Variants in AFG3L2 observed in about 807,000 individuals in gnomAD.
AFG3L2 encodes the protein mitochondrial inner membrane m-AAA protease component AFG3L2.
In AFG3L2, 54 loss-of-function variants were observed where a neutral mutation model predicts 94.5. That is an observed-to-expected ratio of 0.57 (90% CI 0.46 to 0.72). AFG3L2 has a LOEUF of 0.72. Ranked by LOEUF, AFG3L2 falls within the 30% of genes least tolerant of loss-of-function variation. The pLI, the probability that AFG3L2 is intolerant of heterozygous loss-of-function variation, is 0.00. For missense variants in AFG3L2, 754 were observed against 994.9 expected, an observed-to-expected ratio of 0.76 and a Z score of 3.26; for synonymous variants, 377 against 365.5, an observed-to-expected ratio of 1.03 and a Z score of -0.36.
At chr18:12,349,470 T>A (rs988511269) in intron 12 of AFG3L2, among the ~76,000 whole-genome samples, 4 of 152,170 alleles carry the variant, frequency 2.6e-5, no homozygotes, top group Non-Finnish European at 4.4e-5. Flanking sequence ...GCATTATTCA[T>A]AATAGCCAAA....
In AFG3L2 at chr18:12,353,174, AAG is replaced by A. The variant is rs760212778; in HGVS notation, c.1165-18_1165-17del. 4 of 1,613,678 alleles carry A rather than the reference AAG, an allele frequency of 2.5e-6. No individual in the cohort carries two copies. The East Asian group carries it at 6.7e-5, about 27-fold the overall frequency. ...AGTCTCGGACCTTGGCAAAAACAGAAAGAGAGTCACCTGACCAGAGAATATTA... is the reference window on the plus strand; with the variant it reads ...AGTCTCGGACCTTGGCAAAAACAGAAAGAGTCACCTGACCAGAGAATATTA... On this transcript the variant is annotated splice_polypyrimidine_tract_variant and intron_variant, in intron 9 of 16. Coordinates refer to ENST00000269143, the MANE Select transcript of AFG3L2 (RefSeq NM_006796.3).
chr18:12,338,192 T>C (rs1338268867), intron 15 of AFG3L2, among the ~76,000 whole-genome samples: 1 of 152,024 alleles, frequency 6.6e-6, no homozygotes, highest in Non-Finnish European at 1.5e-5. Flanking sequence ...CCACTTCAGC[T>C]TCCCAAAGTG....
At chr18:12,364,123 T>C (rs1908739531) in intron 5 of AFG3L2, among the ~76,000 whole-genome samples, 1 of 152,236 alleles carries the variant, frequency 6.6e-6, no homozygotes, top group South Asian at 2.1e-4. Flanking sequence ...CCCTACACGA[T>C]ATGCACATTC....
chr18:12,372,434 T>G (rs1909020565), intron 1 of AFG3L2, among the ~76,000 whole-genome samples: 1 of 152,236 alleles, frequency 6.6e-6, no homozygotes, highest in South Asian at 2.1e-4. Context: ...TACACTGTGC[T>G]GGTGAGAATG....
intron 14 of AFG3L2, chr18:12,341,942 G>A (rs773865997): frequency 6.6e-6 from 1 of 152,146 alleles, no homozygotes; most frequent in Non-Finnish European, 1.5e-5. Context: ...CCGCCTCTTG[G>A]GTTCAAGTGA....
At chr18:12,352,958 A>C in intron 10 of AFG3L2, 47 bp downstream of exon 10, 1 of 1,609,956 alleles carries the variant, frequency 6.2e-7, no homozygotes, top group Non-Finnish European at 8.5e-7. Flanking sequence ...CATCTCAAAA[A>C]AAAAAACAAA....
At chr18:12,369,697 C>T (rs1333428398) in intron 3 of AFG3L2, among the ~76,000 whole-genome samples, 1 of 144,222 alleles carries the variant, frequency 6.9e-6, no homozygotes, top group South Asian at 2.2e-4. Context: ...GCCTGGGCGA[C>T]AGAGACCCCT....
chr18:12,329,353 G>A lies in AFG3L2; in HGVS notation c.*212C>T. On this transcript the variant is annotated 3_prime_UTR_variant, in exon 17 of 17. Transcript: ENST00000269143. Reference sequence around the variant, plus strand: ...GAGCCCAATGAGGCTATGGGACAGTGTGCATTTCCCTCAAGGCCTCCGGAA... The same window carrying A: ...GAGCCCAATGAGGCTATGGGACAGTATGCATTTCCCTCAAGGCCTCCGGAA... 2 of 672,968 alleles carry A rather than the reference G, an allele frequency of 3.0e-6. No individual in the cohort carries two copies. Among genetic ancestry groups the A allele is most frequent in the South Asian group, 1.6e-5 (1 of 61,266 alleles). The allele number at this position is 672,968 out of a possible 1,614,324, so 41.7% of individuals were successfully genotyped here.
At chr18:12,337,931 G>A (rs1276376760) in intron 15 of AFG3L2, among the ~76,000 whole-genome samples, 6 of 152,016 alleles carry the variant, frequency 3.9e-5, no homozygotes, top group East Asian at 1.9e-4. Flanking sequence ...CACCACTCCC[G>A]GCTAATTTTT....
intron 16 of AFG3L2, among the ~76,000 whole-genome samples, chr18:12,335,163 TG>T (rs1907700867): frequency 6.6e-6 from 1 of 152,208 alleles, no homozygotes; most frequent in Non-Finnish European, 1.5e-5. Flanking sequence ...AAAGTTCTGC[TG>T]GATCTCACCC....
chr18:12,354,936 C>T (rs868423725), intron 9 of AFG3L2, among the ~76,000 whole-genome samples: 1 of 152,076 alleles, frequency 6.6e-6, no homozygotes, highest in African/African-American at 2.4e-5. Context: ...AAGGTGAGGC[C>T]GGACAAGGTG....
At chr18:12,357,584 T>G (rs748333471) in intron 8 of AFG3L2, among the ~76,000 whole-genome samples, 40 of 152,214 alleles carry the variant, frequency 2.6e-4, no homozygotes, top group Non-Finnish European at 5.6e-4. Flanking sequence ...CAAAGAAAGA[T>G]GTGTTTGCTC....
At position 12,329,392 on chromosome 18, in the gene AFG3L2, C is replaced by G. The variant is rs1212762536; in HGVS notation, c.*173G>C. The G allele has an allele frequency of 2.7e-6, 2 of 729,102 alleles. No homozygotes were observed. Among genetic ancestry groups the G allele is most frequent in the Non-Finnish European group, 4.8e-6 (2 of 415,518 alleles). The allele number at this position is 729,102 out of a possible 1,614,324, so 45.2% of individuals were successfully genotyped here. Reference sequence around the variant, plus strand: ...AGGCCTCCGGAAAGTCACCTGCCACCCACTGTGACCTCTGAGGCTGAAAGG... The same window carrying G: ...AGGCCTCCGGAAAGTCACCTGCCACGCACTGTGACCTCTGAGGCTGAAAGG... On this transcript the variant is annotated 3_prime_UTR_variant, in exon 17 of 17. Transcript: ENST00000269143.
At chr18:12,339,125 G>T (rs569097493) in intron 15 of AFG3L2, among the ~76,000 whole-genome samples, 47 of 150,308 alleles carry the variant, frequency 3.1e-4, no homozygotes, top group South Asian at 1.3e-3. Flanking sequence ...GTGGTGGCGG[G>T]CACTACTTGG....
chr18:12,358,843 T>C lies in AFG3L2; in HGVS notation c.853A>G (p.Met285Val). ...PAGIGRTGRG[M>V]GGLFSVGETT... ...TCTCCGACACTGAAGAGTCCGCCCA[T>C]CCCTCGGCCTGTCCGGCCAATGCCA... is the stretch of plus-strand genomic sequence containing the variant. The change falls in exon 8 of 17, where the codon ATG becomes GTG. Residue 285 changes from methionine (M) to valine (V), a missense_variant. Around this residue, in one of 4 missense-constraint regions of AFG3L2, gnomAD observed 130 missense variants for 175.1 expected, o/e 0.74. Coordinates refer to ENST00000269143, the MANE Select transcript of AFG3L2 (RefSeq NM_006796.3). 6.2e-7 allele frequency: 1 copy of C among 1,614,218 alleles called. No individual in the cohort carries two copies.
chr18:12,359,616 A>C (rs1388270109), intron 7 of AFG3L2, among the ~76,000 whole-genome samples: 1 of 151,954 alleles, frequency 6.6e-6, no homozygotes, highest in Non-Finnish European at 1.5e-5. Context: ...GTGGAAGCCT[A>C]TAATCCCAGC....
At position 12,358,836 on chromosome 18, in the gene AFG3L2, CCG is replaced by C; in HGVS notation, c.858_859del (p.Gly287ThrfsTer15). ...AGTGGTTTCTCCGACACTGAAGAGTCCGCCCATCCCTCGGCCTGTCCGGCCAA... is the reference window on the plus strand; with the variant it reads ...AGTGGTTTCTCCGACACTGAAGAGTCCCCATCCCTCGGCCTGTCCGGCCAA... On this transcript the variant is annotated frameshift_variant, in exon 8 of 17. Coordinates refer to ENST00000269143, the MANE Select transcript of AFG3L2 (RefSeq NM_006796.3). LOFTEE classifies it high-confidence loss of function. 6.2e-7 allele frequency: 1 copy of C among 1,614,250 alleles called. No homozygotes were observed. Among genetic ancestry groups the C allele is most frequent in the Non-Finnish European group, 8.5e-7 (1 of 1,180,050 alleles).
intron 9 of AFG3L2, among the ~76,000 whole-genome samples, chr18:12,353,957 A>T (rs1220463512): frequency 2.6e-5 from 4 of 152,254 alleles, no homozygotes; most frequent in Non-Finnish European, 4.4e-5. Context: ...GCTCATCCCC[A>T]AAGAGGGGGT....
At chr18:12,339,773 T>C (rs529837707) in intron 15 of AFG3L2, among the ~76,000 whole-genome samples, 62 of 141,284 alleles carry the variant, frequency 4.4e-4, no homozygotes, top group African/African-American at 1.4e-3. Context: ...GGTGTGAACC[T>C]GGGAGGCAGA....
Sources: gnomAD v4.1 joint callset for allele counts (sites outside exome capture counted in the v4.1 genomes callset) on GRCh38, gnomAD v4.1.1 for gene constraint, gnomAD v4.1.1 regional missense constraint, MANE v1.5 for transcripts, NCBI Gene and HGNC (gene_info 2026-07-23, HGNC 2026-07-21) for gene names.